Variants in FKBP10 observed in about 807,000 individuals in gnomAD.
FKBP10 encodes the protein peptidyl-prolyl cis-trans isomerase FKBP10.
FKBP10 carries 34 observed loss-of-function variants against 53.7 expected under a neutral mutation model. That is an observed-to-expected ratio of 0.63 (90% CI 0.48 to 0.84). The LOEUF (loss-of-function observed/expected upper bound fraction) is 0.84. Ranked by LOEUF, FKBP10 falls within the 40% of genes least tolerant of loss-of-function variation. The pLI is 0.00. For missense variants in FKBP10, 748 were observed against 797.8 expected, an observed-to-expected ratio of 0.94 and a Z score of 0.75; for synonymous variants, 324 against 335.7, an observed-to-expected ratio of 0.97 and a Z score of 0.38.
At chr17:41,813,799 G>A (rs371175026) in intron 1 of FKBP10, among the ~76,000 whole-genome samples, 1 of 152,246 alleles carries the variant, frequency 6.6e-6, no homozygotes, top group East Asian at 1.9e-4. Flanking sequence ...AAGGCTGGTG[G>A]GTATTATAAG....
rs202121419 is a variant in FKBP10 at position 41,820,475 on chromosome 17, G to A, written c.1256+14G>A. On this transcript the variant is annotated intron_variant, in intron 7 of 9. Transcript: ENST00000321562. ...GCTGTTCACCTCGTGGGTCCGGGGG[G>A]GGGCCGGGACTGGGCAGGTGGGTGG... 6.2e-7 allele frequency: 1 copy of A among 1,613,244 alleles called. No homozygotes were observed. Among genetic ancestry groups the A allele is most frequent in the East Asian group, 2.2e-5 (1 of 44,878 alleles).
In FKBP10 at chr17:41,813,244, C is replaced by A; in HGVS notation, c.210C>A (p.Asn70Lys). The A allele has an allele frequency of 6.2e-7, 1 of 1,613,840 alleles. No individual in the cohort carries two copies. The highest frequency in any genetic ancestry group is 1.1e-5 in the South Asian group (1 of 91,082). ...GGGATTTTGTGCGCTACCACTACAA[C>A]GGCACTTTTGAAGATGGCAAGAAGT... The part of the protein sequence containing the change: ...QMGDFVRYHY[N>K]GTFEDGKKFD... Residue 70 changes from asparagine to lysine, a missense_variant, in exon 1 of 10, where the codon AAC becomes AAA. By Grantham distance (94) the Asn-to-Lys change is moderately conservative (BLOSUM62 0). Transcript: ENST00000321562.
intron 7 of FKBP10, 117 bp downstream of exon 7, chr17:41,820,578 A>T: frequency 9.5e-7 from 1 of 1,051,464 alleles, no homozygotes; most frequent in South Asian, 1.4e-5. Flanking sequence ...CCAGGGGAGC[A>T]TTCAACCTCT....
chr17:41,816,911 G>A lies in FKBP10; in HGVS notation c.246-147G>A, dbSNP rs542501748. 1.9e-5 allele frequency: 22 copies of A among 1,184,680 alleles called. No homozygotes were observed. In the Admixed American group the frequency reaches 3.6e-4, roughly 19 times the overall value. 73.4% of individuals were successfully genotyped at this position (1,184,680 alleles called of 1,614,324 possible). On this transcript the variant is annotated intron_variant, in intron 1 of 9. Coordinates refer to ENST00000321562, the MANE Select transcript of FKBP10 (RefSeq NM_021939.4). ...ACCTAGGAGGGGGACTTGAAAAGGA[G>A]GTGAGAAGTGTGTGTGCGTATCCAC...
At position 41,822,536 on chromosome 17, in the gene FKBP10, T is replaced by C; in HGVS notation, c.*128T>C. On this transcript the variant is annotated 3_prime_UTR_variant, in exon 10 of 10. Coordinates refer to ENST00000321562, the MANE Select transcript of FKBP10 (RefSeq NM_021939.4). ...GAGGTCCAGGAGCCAACTAAAACAA[T>C]GGCAGAGGAGACATCTCTGGTGTTC... is the stretch of plus-strand genomic sequence containing the variant. The C allele has an allele frequency of 9.7e-7, 1 of 1,034,208 alleles. No individual in the cohort carries two copies. The highest frequency in any genetic ancestry group is 1.4e-5 in the South Asian group (1 of 73,150). The allele number at this position is 1,034,208 out of a possible 1,614,324, so 64.1% of individuals were successfully genotyped here.
chr17:41,821,013 G>C lies in FKBP10; in HGVS notation c.1323G>C (p.Thr441=), dbSNP rs782332252. ...ACAAGGTGATCGAAGGCCTGGACAC[G>C]GGCCTGCAGGGCATGTGTGTGGGAG... ...GANKVIEGLD[T]GLQGMCVGER... is the part of the protein sequence containing the mutation. The change falls in exon 8 of 10, where the codon ACG becomes ACC. Residue 441 remains threonine (T), a synonymous_variant. Transcript: ENST00000321562. 1 of 1,604,778 alleles carries C rather than the reference G, an allele frequency of 6.2e-7. No individual in the cohort carries two copies. Among genetic ancestry groups the C allele is most frequent in the African/African-American group, 1.3e-5 (1 of 74,816 alleles).
intron 4 of FKBP10, 83 bp downstream of exon 4, chr17:41,818,610 A>G (rs1267950922): frequency 1.3e-6 from 2 of 1,560,012 alleles, no homozygotes; most frequent in East Asian, 4.5e-5. Context: ...CAGGTTGTAT[A>G]CTGCACGAGG....
At chr17:41,817,984 G>A in intron 2 of FKBP10, 105 bp from the exon 3 acceptor site, 1 of 1,214,986 alleles carries the variant, frequency 8.2e-7, no homozygotes, top group Admixed American at 2.0e-5. Context: ...CCTGGTTTGG[G>A]TCTCTTGGTG....
rs782611610 is a variant in FKBP10 at position 41,821,792 on chromosome 17, A to G, written c.1538A>G (p.Lys513Arg). The G allele has an allele frequency of 4.3e-6, 7 of 1,614,094 alleles. No individual in the cohort carries two copies. Among genetic ancestry groups the G allele is most frequent in the African/African-American group, 2.7e-5 (2 of 74,912 alleles). Reference protein sequence around the residue: ...ANLFEDMDLNKDGEVPPEEFS... With the variant: ...ANLFEDMDLNRDGEVPPEEFS... ...CTGTTTGAAGACATGGACCTCAACA[A>G]GGATGGCGAGGTCCCTCCGGAGGAG... The change falls in exon 9 of 10, where the codon AAG (lysine) becomes AGG (arginine). Residue 513 changes from lysine to arginine, a missense_variant. Coordinates refer to ENST00000321562, the MANE Select transcript of FKBP10 (RefSeq NM_021939.4).
rs149339744 is a variant in FKBP10, at chr17:41,819,312, C to G, written c.830C>G (p.Pro277Arg). Reference sequence around the variant, plus strand: ...CAGCTAGAGACGCTGGAGCTCCCCCCCGGCTGTGTCCGCAGAGCCGGGGCC... The same window carrying G: ...CAGCTAGAGACGCTGGAGCTCCCCCGCGGCTGTGTCCGCAGAGCCGGGGCC... Reference protein sequence around the residue: ...AVQLETLELPPGCVRRAGAGD... With the variant: ...AVQLETLELPRGCVRRAGAGD... Residue 277 changes from proline (P) to arginine (R), a missense_variant, in exon 5 of 10, where the codon CCC (proline) becomes CGC (arginine). By Grantham distance (103) the Pro-to-Arg change is moderately radical. Coordinates refer to ENST00000321562, the MANE Select transcript of FKBP10 (RefSeq NM_021939.4). 1.4e-5 allele frequency: 23 copies of G among 1,614,034 alleles called. No homozygotes were observed. Among genetic ancestry groups the G allele is most frequent in the East Asian group, 4.5e-5 (2 of 44,894 alleles).
intron 1 of FKBP10, among the ~76,000 whole-genome samples, chr17:41,813,707 A>C (rs2047778973): frequency 6.6e-6 from 1 of 151,746 alleles, no homozygotes; most frequent in Non-Finnish European, 1.5e-5. Context: ...CACTGTTTTC[A>C]GTGCCTTTGT....
Position 41,820,997 on chromosome 17 carries a change from T to C in FKBP10, c.1307T>C (p.Ile436Thr), listed in dbSNP as rs61749879. The change falls in exon 8 of 10, where the codon ATC becomes ACC. Residue 436 changes from isoleucine to threonine, a missense_variant. Coordinates refer to ENST00000321562, the MANE Select transcript of FKBP10 (RefSeq NM_021939.4). ...GCGACTCTCGGGGCCAACAAGGTGATCGAAGGCCTGGACACGGGCCTGCAG... is the reference window on the plus strand; with the variant it reads ...GCGACTCTCGGGGCCAACAAGGTGACCGAAGGCCTGGACACGGGCCTGCAG... ...QEATLGANKV[I>T]EGLDTGLQGM... 3.8e-3 allele frequency: 6,099 copies of C among 1,610,480 alleles called. 24 individuals carry two copies. The highest frequency in any genetic ancestry group is 4.5e-3 in the Non-Finnish European group (5,350 of 1,178,832).
At chr17:41,820,614 C>T (rs2047879194) in intron 7 of FKBP10, 153 bp downstream of exon 7, 3 of 810,700 alleles carry the variant, frequency 3.7e-6, no homozygotes, top group South Asian at 1.6e-5. Flanking sequence ...GTCCCCATCT[C>T]GGAGCATGTC....
chr17:41,821,878 G>A lies in FKBP10; in HGVS notation c.1563+61G>A, dbSNP rs956444954. On this transcript the variant is annotated intron_variant, in intron 9 of 9. Transcript: ENST00000321562. ...GCAATCCCCGCACCCAGGAAGCATC[G>A]AGGAAGAAGACGTCCCCCGTCCGGA... 4.6e-5 allele frequency: 74 copies of A among 1,605,944 alleles called. No individual in the cohort carries two copies. In the African/African-American group the frequency reaches 5.2e-4, roughly 11 times the overall value.
chr17:41,814,659 G>A (rs1187790852), intron 1 of FKBP10, among the ~76,000 whole-genome samples: 7 of 152,202 alleles, frequency 4.6e-5, no homozygotes, highest in Non-Finnish European at 7.3e-5. Context: ...TTGACTGCTA[G>A]GAGTGAGGCA....
chr17:41,821,638 C>G lies in FKBP10; in HGVS notation c.1400-16C>G. 1 of 1,613,406 alleles carries G rather than the reference C, an allele frequency of 6.2e-7. No homozygotes were observed. Among genetic ancestry groups the G allele is most frequent in the Non-Finnish European group, 8.5e-7 (1 of 1,179,940 alleles). On this transcript the variant is annotated splice_polypyrimidine_tract_variant and intron_variant, in intron 8 of 9. Coordinates refer to ENST00000321562, the MANE Select transcript of FKBP10 (RefSeq NM_021939.4). ...CCTGACTAGGACCCCTCCCTTCTCT[C>G]CTGCCCTCCCTCCAGCCCGGGGAGT...
chr17:41,813,837 C>G (rs781864760), intron 1 of FKBP10, among the ~76,000 whole-genome samples: 1 of 150,744 alleles, frequency 6.6e-6, no homozygotes, highest in Admixed American at 6.6e-5. Context: ...CTGGGGGTAG[C>G]GCGTGGCTCC....
At chr17:41,821,549 C>T (rs2047891147) in intron 8 of FKBP10, 105 bp from the exon 9 acceptor site, 1 of 1,422,444 alleles carries the variant, frequency 7.0e-7, no homozygotes, top group African/African-American at 1.4e-5. Flanking sequence ...ACTCTCCAGC[C>T]CAGCCCCAGG....
rs541713038 is a variant in FKBP10, at chr17:41,821,811, G to A, written c.1557G>A (p.Pro519=). The A allele has an allele frequency of 2.2e-5, 36 of 1,614,100 alleles. No homozygotes were observed. The highest frequency in any genetic ancestry group is 1.2e-4 in the African/African-American group (9 of 75,022). Residue 519 remains proline, a synonymous_variant, in exon 9 of 10, where the codon CCG becomes CCA. Transcript: ENST00000321562. ...TCAACAAGGATGGCGAGGTCCCTCC[G>A]GAGGAGGTGGGTGAAGGTTCAGTCC... ...MDLNKDGEVP[P]EEFSTFIKAQ...
Sources: allele counts gnomAD v4.1 joint callset (sites outside exome capture counted in the v4.1 genomes callset), GRCh38; gene constraint gnomAD v4.1.1; transcripts MANE v1.5; gene names NCBI Gene and HGNC (gene_info 2026-07-23, HGNC 2026-07-21).